Variants in BCAR3 observed in about 807,000 individuals in gnomAD.
BCAR3 encodes BCAR3 adaptor protein, NSP family member.
In BCAR3, 37 loss-of-function variants were observed where a neutral mutation model predicts 80.1. That is an observed-to-expected ratio of 0.46 (90% confidence interval 0.36 to 0.61). The LOEUF (loss-of-function observed/expected upper bound fraction) is 0.61. Among genes scored for constraint, BCAR3 ranks in the 20% least tolerant of loss-of-function variants. BCAR3 has a pLI of 0.00. For missense variants in BCAR3, 978 were observed against 1,068.2 expected (o/e 0.92, Z 1.18); for synonymous variants, 389 against 418.9 (o/e 0.93, Z 0.87).
chr1:93,810,117 C>T (rs974954298), intron 2 of BCAR3, among the ~76,000 whole-genome samples: 1 of 147,786 alleles, frequency 6.8e-6, no homozygotes, highest in African/African-American at 2.5e-5. Context: ...TGCTTGAACC[C>T]GTGAGGCGGA....
intron 3 of BCAR3, chr1:93,605,596 G>T (rs564086716): frequency 1.8e-4 from 28 of 152,340 alleles, no homozygotes; most frequent in African/African-American, 6.0e-4. Flanking sequence ...CAAAATGCTA[G>T]AAGATCCAAG....
chr1:93,673,212 T>C (rs547729527), intron 2 of BCAR3, among the ~76,000 whole-genome samples: 38 of 152,376 alleles, frequency 2.5e-4, no homozygotes, highest in Non-Finnish European at 4.4e-4. Flanking sequence ...TATTTATTTG[T>C]ATATACTACC....
intron 2 of BCAR3, among the ~76,000 whole-genome samples, chr1:93,821,386 C>T (rs553410939): frequency 2.6e-5 from 4 of 152,294 alleles, no homozygotes; most frequent in Middle Eastern, 3.4e-3. Flanking sequence ...TGGATGTCTT[C>T]GATTTCTCTT....
At chr1:93,700,566 C>A (rs1367801305) in intron 3 of BCAR3, among the ~76,000 whole-genome samples, 1 of 152,194 alleles carries the variant, frequency 6.6e-6, no homozygotes, top group Middle Eastern at 3.2e-3. Context: ...CTAACTATAG[C>A]TTCCACCTAT....
intron 2 of BCAR3, among the ~76,000 whole-genome samples, chr1:93,790,345 A>G (rs1395997486): frequency 2.0e-5 from 3 of 152,180 alleles, no homozygotes; most frequent in South Asian, 2.1e-4. Flanking sequence ...ACTTTTTTAT[A>G]TATGTGAGTT....
intron 7 of BCAR3, among the ~76,000 whole-genome samples, chr1:93,576,619 C>T (rs942878696): frequency 6.6e-6 from 1 of 152,196 alleles, no homozygotes; most frequent in Non-Finnish European, 1.5e-5. Context: ...CCCTTAATTA[C>T]GCTTCTCCTG....
At chr1:93,834,922 A>G (rs1311410287) in intron 2 of BCAR3, among the ~76,000 whole-genome samples, 1 of 152,032 alleles carries the variant, frequency 6.6e-6, no homozygotes, top group East Asian at 1.9e-4. Flanking sequence ...CCATTTCCCC[A>G]TATTTCCTTC....
intron 2 of BCAR3, among the ~76,000 whole-genome samples, chr1:93,798,603 T>C (rs1037115141): frequency 2.6e-5 from 4 of 152,200 alleles, no homozygotes; most frequent in Admixed American, 2.6e-4. Context: ...ATATTAGTTA[T>C]TTGATTTTTG....
intron 2 of BCAR3, among the ~76,000 whole-genome samples, chr1:93,772,374 T>C (rs1169920880): frequency 2.0e-5 from 3 of 152,200 alleles, no homozygotes; most frequent in Non-Finnish European, 4.4e-5. Context: ...CTTCTATCAA[T>C]GCTGCCAGTG....
At chr1:93,567,690 C>A in intron 10 of BCAR3, 50 bp downstream of exon 10, 1 of 1,543,556 alleles carries the variant, frequency 6.5e-7, no homozygotes, top group Non-Finnish European at 8.9e-7. Context: ...TGTACTTGTA[C>A]TCCACTCCCC....
Position 93,672,619 on chromosome 1 carries a change from T to TAACAATCCTGTGCAC in BCAR3, c.317+1980_317+1994dup, listed in dbSNP as rs1472838077. On this transcript the variant is annotated intron_variant, in intron 2 of 11. Transcript: ENST00000260502. Reference sequence around the variant, plus strand: ...CCCTTAAGTGCCAATTATGCGATGTTAACAATCCTGTGCACAGGTATGCAC... The same window carrying TAACAATCCTGTGCAC: ...CCCTTAAGTGCCAATTATGCGATGTTAACAATCCTGTGCACAACAATCCTGTGCACAGGTATGCAC... Among the ~76,000 whole-genome samples, 4 of 152,348 alleles carry TAACAATCCTGTGCAC rather than the reference T, an allele frequency of 2.6e-5. No individual in the cohort carries two copies. The East Asian group carries it at 7.7e-4, about 29-fold the overall frequency.
chr1:93,680,650 G>A (rs571649018), intron 1 of BCAR3, among the ~76,000 whole-genome samples: 34 of 152,318 alleles, frequency 2.2e-4, no homozygotes, highest in Non-Finnish European at 4.4e-5. Flanking sequence ...CAATCTGAAT[G>A]CACGGCTCTA....
At chr1:93,578,373 G>A (rs1002104342) in intron 7 of BCAR3, among the ~76,000 whole-genome samples, 9 of 152,220 alleles carry the variant, frequency 5.9e-5, no homozygotes, top group Admixed American at 2.0e-4. Context: ...AAACTGGTAT[G>A]AGCCCAGAAG....
chr1:93,834,504 C>A (rs1396530686), intron 2 of BCAR3, among the ~76,000 whole-genome samples: 1 of 152,206 alleles, frequency 6.6e-6, no homozygotes, highest in Non-Finnish European at 1.5e-5. Context: ...CAACCTTTTT[C>A]ATTACACACA....
intron 1 of BCAR3, among the ~76,000 whole-genome samples, chr1:93,675,582 T>C (rs1401149913): frequency 6.6e-6 from 1 of 152,090 alleles, no homozygotes; most frequent in African/African-American, 2.4e-5. Flanking sequence ...GGGCTGCATG[T>C]ACATGGCCCC....
chr1:93,653,033 T>C (rs1320198327), intron 2 of BCAR3, among the ~76,000 whole-genome samples: 1 of 152,250 alleles, frequency 6.6e-6, no homozygotes, highest in Non-Finnish European at 1.5e-5. Flanking sequence ...GATCTGTAAG[T>C]GTTTGTTATT....
intron 3 of BCAR3, among the ~76,000 whole-genome samples, chr1:93,702,219 C>G (rs192406174): frequency 6.6e-6 from 1 of 152,126 alleles, no homozygotes; most frequent in Admixed American, 6.5e-5. Context: ...CCCATGAATA[C>G]GCCCTGTACC....
At chr1:93,843,927 G>T (rs1265459512) in intron 2 of BCAR3, among the ~76,000 whole-genome samples, 1 of 152,124 alleles carries the variant, frequency 6.6e-6, no homozygotes, top group Admixed American at 6.5e-5. Flanking sequence ...TATACCTCTG[G>T]AGTAAAGCAA....
intron 3 of BCAR3, among the ~76,000 whole-genome samples, chr1:93,633,752 C>T (rs768220556): frequency 2.6e-5 from 4 of 152,190 alleles, no homozygotes; most frequent in Admixed American, 6.5e-5. Flanking sequence ...CTCCTGCCTC[C>T]GCCTCCCGAG....
Sources: allele counts gnomAD v4.1 joint callset (sites outside exome capture counted in the v4.1 genomes callset), GRCh38; gene constraint gnomAD v4.1.1; transcripts MANE v1.5; gene names NCBI Gene and HGNC (gene_info 2026-07-23, HGNC 2026-07-21).